Variants in GNAT3 observed in about 807,000 individuals in gnomAD.
GNAT3 encodes the protein G protein subunit alpha transducin 3.
Under a neutral mutation model 37.7 loss-of-function variants are expected in GNAT3, and 31 were observed. The observed-to-expected ratio is 0.82, with a 90% CI of 0.62 to 1.11. GNAT3 has a LOEUF of 1.11. Ranked by LOEUF, GNAT3 falls within the 50% of genes most tolerant of loss-of-function variation. GNAT3 has a pLI of 0.00. For missense variants in GNAT3, 437 were observed against 412.5 expected, an observed-to-expected ratio of 1.06 and a Z score of -0.51; for synonymous variants, 138 against 139.8, an observed-to-expected ratio of 0.99 and a Z score of 0.09.
intron 1 of GNAT3, among the ~76,000 whole-genome samples, chr7:80,505,601 T>C (rs1025472899): frequency 5.3e-5 from 8 of 152,208 alleles, no homozygotes; most frequent in Non-Finnish European, 8.8e-5. Flanking sequence ...CTCCTGACCT[T>C]GTGATCTGCC....
chr7:80,496,549 A>G lies in GNAT3; in HGVS notation c.119-1902T>C, dbSNP rs148374460. On this transcript the variant is annotated intron_variant, in intron 1 of 7. Coordinates refer to ENST00000398291, the MANE Select transcript of GNAT3 (RefSeq NM_001102386.3). ...CTTTTCTTCTTCTACATGCTTAGGA[A>G]TAATTCATATATTATTTAAAAATGT... Among the ~76,000 whole-genome samples, 33 of 152,334 alleles carry G rather than the reference A, an allele frequency of 2.2e-4. No homozygotes were observed. In the East Asian group the frequency reaches 6.2e-3, roughly 28 times the overall value.
chr7:80,464,371 T>C (rs1790099808), intron 5 of GNAT3, among the ~76,000 whole-genome samples: 1 of 151,914 alleles, frequency 6.6e-6, no homozygotes, highest in Non-Finnish European at 1.5e-5. Context: ...TAAGCAAAGG[T>C]GACAGAGGAA....
At chr7:80,481,212 G>A (rs1466032923) in intron 3 of GNAT3, among the ~76,000 whole-genome samples, 2 of 152,116 alleles carry the variant, frequency 1.3e-5, no homozygotes, top group Non-Finnish European at 2.9e-5. Context: ...AAAGTAAACT[G>A]ATCAGATGGT....
chr7:80,504,200 C>G (rs1488990112), intron 1 of GNAT3, among the ~76,000 whole-genome samples: 1 of 152,074 alleles, frequency 6.6e-6, no homozygotes, highest in East Asian at 1.9e-4. Context: ...CCTGTAGTCC[C>G]AACTACTGTG....
chr7:80,487,612 G>A (rs1024820340), intron 3 of GNAT3: 2 of 152,122 alleles, frequency 1.3e-5, no homozygotes, highest in African/African-American at 4.8e-5. Flanking sequence ...ACTAAGCTGG[G>A]GGAGGGAGTT....
intron 2 of GNAT3, 96 bp downstream of exon 2, chr7:80,494,509 T>C (rs1790676981): frequency 1.5e-6 from 1 of 687,680 alleles, no homozygotes; most frequent in African/African-American, 1.8e-5. Flanking sequence ...TTAGAAAAGA[T>C]TGTCAATCAG....
chr7:80,485,713 T>C (rs1464041314), intron 3 of GNAT3, among the ~76,000 whole-genome samples: 3 of 152,152 alleles, frequency 2.0e-5, no homozygotes, highest in Non-Finnish European at 2.9e-5. Context: ...TAGATTTCAC[T>C]ACCTAAATTT....
rs775692651 is a variant in GNAT3 at position 80,480,676 on chromosome 7, A to G, written c.304-1678T>C. On this transcript the variant is annotated intron_variant, in intron 3 of 7. Coordinates refer to ENST00000398291, the MANE Select transcript of GNAT3 (RefSeq NM_001102386.3). ...TTCATGCCTCCCCTTGTTAGAGCATATAGGGTAACTTCCTGACATTGCCAT... is the reference window on the plus strand; with the variant it reads ...TTCATGCCTCCCCTTGTTAGAGCATGTAGGGTAACTTCCTGACATTGCCAT... Among the ~76,000 whole-genome samples the G allele has an allele frequency of 2.6e-5, 4 of 152,106 alleles. No individual in the cohort carries two copies. In the South Asian group the frequency reaches 6.2e-4, roughly 24 times the overall value.
At chr7:80,497,103 C>G (rs1187244325) in intron 1 of GNAT3, among the ~76,000 whole-genome samples, 1 of 152,038 alleles carries the variant, frequency 6.6e-6, no homozygotes, top group East Asian at 1.9e-4. Context: ...TTGATAGATG[C>G]AAAAATCAAA....
intron 1 of GNAT3, among the ~76,000 whole-genome samples, chr7:80,500,672 A>C (rs530164859): frequency 1.1e-4 from 17 of 152,216 alleles, no homozygotes; most frequent in South Asian, 8.3e-4. Flanking sequence ...TTTTGTACCT[A>C]CAGTTTATCT....
chr7:80,484,091 C>G (rs1003539886), intron 3 of GNAT3, among the ~76,000 whole-genome samples: 12 of 151,982 alleles, frequency 7.9e-5, no homozygotes, highest in Non-Finnish European at 1.5e-4. Flanking sequence ...TCTTCATTCT[C>G]TTAAGATTGT....
intron 5 of GNAT3, among the ~76,000 whole-genome samples, chr7:80,472,692 G>A (rs968979563): frequency 3.3e-5 from 5 of 152,226 alleles, no homozygotes; most frequent in South Asian, 2.1e-4. Context: ...GTCCAAACCC[G>A]TTTATGGTCC....
intron 7 of GNAT3, among the ~76,000 whole-genome samples, chr7:80,459,630 A>T (rs1482287374): frequency 6.6e-6 from 1 of 152,226 alleles, no homozygotes; most frequent in Non-Finnish European, 1.5e-5. Context: ...CAAGTAGGCT[A>T]AAAAATACAG....
In GNAT3 at chr7:80,468,742, TAAA is replaced by T. The variant is rs569405575; in HGVS notation, c.590+5506_590+5508del. Among the ~76,000 whole-genome samples the T allele has an allele frequency of 3.0e-3, 449 of 152,034 alleles. 1 individual carries two copies. Among genetic ancestry groups the T allele is most frequent in the African/African-American group, 0.01 (424 of 41,494 alleles). ...ACTAAGTCTCTTAAATCCTCACAAT[TAAA>T]AAACAGAATCAAAAGAATTTATAAC... On this transcript the variant is annotated intron_variant, in intron 5 of 7. Coordinates refer to ENST00000398291, the MANE Select transcript of GNAT3 (RefSeq NM_001102386.3).
intron 5 of GNAT3, among the ~76,000 whole-genome samples, chr7:80,470,375 C>T (rs377327091): frequency 1.1e-4 from 17 of 152,204 alleles, no homozygotes; most frequent in Non-Finnish European, 1.9e-4. Flanking sequence ...GGGTGTGCCA[C>T]CATGCCCCGC....
intron 7 of GNAT3, among the ~76,000 whole-genome samples, chr7:80,459,943 A>G (rs952512691): frequency 5.3e-5 from 8 of 152,206 alleles, no homozygotes; most frequent in Non-Finnish European, 8.8e-5. Context: ...TTACAAAGCT[A>G]AAGATAGTCT....
At chr7:80,499,686 T>C (rs1790797743) in intron 1 of GNAT3, among the ~76,000 whole-genome samples, 1 of 152,190 alleles carries the variant, frequency 6.6e-6, no homozygotes, top group South Asian at 2.1e-4. Flanking sequence ...TATTTCTCCT[T>C]TTTATGGAGT....
intron 5 of GNAT3, among the ~76,000 whole-genome samples, chr7:80,468,203 C>A (rs373255611): frequency 6.6e-6 from 1 of 151,884 alleles, no homozygotes; most frequent in African/African-American, 2.4e-5. Flanking sequence ...AGTAAGCAGT[C>A]GGCAAAGCTT....
At chr7:80,507,035 A>G (rs570057079) in intron 1 of GNAT3, among the ~76,000 whole-genome samples, 1 of 152,228 alleles carries the variant, frequency 6.6e-6, no homozygotes, top group African/African-American at 2.4e-5. Context: ...AATTTGGATA[A>G]ATAAGGCAAA....
Sources: allele counts gnomAD v4.1 joint callset (sites outside exome capture counted in the v4.1 genomes callset), GRCh38; gene constraint gnomAD v4.1.1; transcripts MANE v1.5; gene names NCBI Gene and HGNC (gene_info 2026-07-23, HGNC 2026-07-21).